Variants in EHHADH observed in about 807,000 individuals in gnomAD.
EHHADH encodes enoyl-CoA hydratase and 3-hydroxyacyl CoA dehydrogenase, also known as peroxisomal bifunctional enzyme.
Under a neutral mutation model 64.4 loss-of-function variants are expected in EHHADH, and 48 were observed. The observed-to-expected ratio is 0.75, with a 90% CI of 0.59 to 0.95. The LOEUF is 0.95. EHHADH is among the 40% of genes least tolerant of loss of function. The pLI, the probability that EHHADH is intolerant of heterozygous loss-of-function variation, is 0.00. For synonymous variants in EHHADH, 308 were observed against 326.7 expected, an observed-to-expected ratio of 0.94 and a Z score of 0.62; for missense variants, 854 against 876.6, an observed-to-expected ratio of 0.97 and a Z score of 0.33.
intron 5 of EHHADH, among the ~76,000 whole-genome samples, chr3:185,217,760 ATTTTCTT>A (rs1718725078): frequency 6.8e-6 from 1 of 146,162 alleles, no homozygotes. Flanking sequence ...CAGCCTCAGG[ATTTTCTT>A]TTTTTTTTTT....
intron 5 of EHHADH, among the ~76,000 whole-genome samples, chr3:185,214,686 G>C (rs1718636806): frequency 6.6e-6 from 1 of 152,114 alleles, no homozygotes; most frequent in Non-Finnish European, 1.5e-5. Flanking sequence ...CTACCTGGCT[G>C]TTTTCTTCTT....
chr3:185,249,283 C>T (rs1166088067), intron 1 of EHHADH, among the ~76,000 whole-genome samples: 20 of 152,268 alleles, frequency 1.3e-4, no homozygotes, highest in African/African-American at 2.6e-4. Flanking sequence ...CGCCCGCCAC[C>T]ACGTCCGGCT....
chr3:185,212,340 G>A (rs935318363), intron 5 of EHHADH, among the ~76,000 whole-genome samples: 2 of 152,160 alleles, frequency 1.3e-5, no homozygotes, highest in African/African-American at 4.8e-5. Flanking sequence ...TAAAGCTAAT[G>A]AACTTCCACA....
chr3:185,207,057 G>A (rs1244838138), intron 5 of EHHADH, among the ~76,000 whole-genome samples: 1 of 152,078 alleles, frequency 6.6e-6, no homozygotes, highest in Non-Finnish European at 1.5e-5. Flanking sequence ...GGAGGCCGAG[G>A]TGGGCAGATT....
chr3:185,249,866 G>A (rs745389449), intron 1 of EHHADH, among the ~76,000 whole-genome samples: 1 of 152,160 alleles, frequency 6.6e-6, no homozygotes, highest in Non-Finnish European at 1.5e-5. Flanking sequence ...TAGCCAATGG[G>A]ATGGAAGCAT....
intron 5 of EHHADH, among the ~76,000 whole-genome samples, chr3:185,217,616 C>A (rs1273418765): frequency 1.3e-5 from 2 of 151,224 alleles, no homozygotes; most frequent in African/African-American, 4.9e-5. Context: ...ATATGACGTG[C>A]CTATTCCTGC....
At chr3:185,245,074 C>A (rs1449420224) in intron 2 of EHHADH, among the ~76,000 whole-genome samples, 2 of 152,172 alleles carry the variant, frequency 1.3e-5, no homozygotes, top group African/African-American at 4.8e-5. Context: ...TTAATGATTA[C>A]AGAACTATTT....
intron 2 of EHHADH, among the ~76,000 whole-genome samples, chr3:185,236,283 G>T (rs1324891107): frequency 6.6e-6 from 1 of 151,742 alleles, no homozygotes; most frequent in Non-Finnish European, 1.5e-5. Context: ...CACAAGTGAG[G>T]GATCTAGGTT....
rs1370663450 is a variant in EHHADH, at chr3:185,191,588, A to G, written c.*638T>C. The G allele has an allele frequency of 6.6e-6, 1 of 152,268 alleles. No homozygotes were observed. The highest frequency in any genetic ancestry group is 2.4e-5 in the African/African-American group (1 of 41,466). The allele number at this position is 152,268 out of a possible 1,614,324, so 9.4% of individuals were successfully genotyped here. A position where few individuals can be genotyped will look rare whatever the true frequency, so the allele number is the denominator to read the frequency against. On this transcript the variant is annotated 3_prime_UTR_variant, in exon 7 of 7. Coordinates refer to ENST00000231887, the MANE Select transcript of EHHADH (RefSeq NM_001966.4). ...ACAGGAAAACTGGTGTCATTACTCT[A>G]TCACAGAATTGGGAAATCCTAGAAG...
At chr3:185,235,081 G>C (rs1719250039) in intron 3 of EHHADH, among the ~76,000 whole-genome samples, 1 of 152,140 alleles carries the variant, frequency 6.6e-6, no homozygotes, top group African/African-American at 2.4e-5. Flanking sequence ...TTGGGAGGCT[G>C]AGGAAGGAGA....
chr3:185,253,340 G>A (rs1332441765), intron 1 of EHHADH: 4 of 145,090 alleles, frequency 2.8e-5, no homozygotes, highest in African/African-American at 1.0e-4. Context: ...GAAGGGGAGT[G>A]AGGCTGGATC....
At chr3:185,221,577 C>CTTTTTT (rs10663266) in intron 4 of EHHADH, among the ~76,000 whole-genome samples, 4 of 130,728 alleles carry the variant, frequency 3.1e-5, no homozygotes, top group African/African-American at 8.6e-5. Context: ...ATTTTTTTTT[C>CTTTTTT]TTTTTTTTTT....
intron 4 of EHHADH, among the ~76,000 whole-genome samples, chr3:185,219,962 G>A (rs1718791534): frequency 6.6e-6 from 1 of 152,132 alleles, no homozygotes; most frequent in Admixed American, 6.5e-5. Flanking sequence ...TCTCCTTCTG[G>A]AGTAAGGAGT....
At chr3:185,243,944 G>A (rs76066826) in intron 2 of EHHADH, among the ~76,000 whole-genome samples, 297 of 152,202 alleles carry the variant, frequency 2.0e-3, no homozygotes, top group African/African-American at 7.1e-3. Flanking sequence ...TGCTGTCAGC[G>A]GGGTTTTGAA....
At chr3:185,224,501 CAAAAA>C in intron 4 of EHHADH, among the ~76,000 whole-genome samples, 1 of 51,582 alleles carries the variant, frequency 1.9e-5, no homozygotes. Context: ...ACCCTGTCAC[CAAAAA>C]AAAAAAAAAA....
intron 6 of EHHADH, among the ~76,000 whole-genome samples, chr3:185,194,127 A>AAAAGAAC (rs557970934): frequency 7.0e-4 from 107 of 152,304 alleles, no homozygotes; most frequent in Non-Finnish European, 1.3e-3. Flanking sequence ...ACAATACTGA[A>AAAAGAAC]AAAGAACAAA....
rs748105918 is a variant in EHHADH at position 185,229,537 on chromosome 3, C to G, written c.358G>C (p.Val120Leu). 6.4e-7 allele frequency: 1 copy of G among 1,562,750 alleles called. No homozygotes were observed. Among genetic ancestry groups the G allele is most frequent in the Admixed American group, 1.8e-5 (1 of 56,428 alleles). The change falls in exon 4 of 7, where the codon GTT becomes CTT. Residue 120 changes from valine to leucine, a missense_variant. Coordinates refer to ENST00000231887, the MANE Select transcript of EHHADH (RefSeq NM_001966.4). ...CCCAGTGTAACTTCTGGTAAGCCAACTTGAGCCTATCAAAGATTGAAGGCA... is the reference window on the plus strand; with the variant it reads ...CCCAGTGTAACTTCTGGTAAGCCAAGTTGAGCCTATCAAAGATTGAAGGCA... ...HYRIAHAEAQ[V>L]GLPEVTLGLL... is the part of the protein sequence containing the mutation.
At chr3:185,217,952 A>G (rs1303763400) in intron 5 of EHHADH, among the ~76,000 whole-genome samples, 184 bp downstream of exon 5, 1 of 151,276 alleles carries the variant, frequency 6.6e-6, no homozygotes, top group Non-Finnish European at 1.5e-5. Context: ...TTTTTAGTAG[A>G]CACGGGGTTT....
intron 6 of EHHADH, among the ~76,000 whole-genome samples, chr3:185,197,057 T>G (rs2108625210): frequency 6.6e-6 from 1 of 151,854 alleles, no homozygotes; most frequent in East Asian, 1.9e-4. Context: ...TGGTTCCATT[T>G]ATATGAAATG....
Sources: gnomAD v4.1 joint callset for allele counts (sites outside exome capture counted in the v4.1 genomes callset) on GRCh38, gnomAD v4.1.1 for gene constraint, MANE v1.5 for transcripts, NCBI Gene and HGNC (gene_info 2026-07-23, HGNC 2026-07-21) for gene names.